Variants in DIAPH2 observed in about 807,000 individuals in gnomAD.
The protein encoded by DIAPH2 is protein diaphanous homolog 2.
Under a neutral mutation model 92.7 loss-of-function variants are expected in DIAPH2, and 35 were observed. The ratio of observed to expected loss-of-function variants is 0.38; its 90% CI spans 0.29 to 0.50. The LOEUF (loss-of-function observed/expected upper bound fraction) is 0.50. DIAPH2 is among the 20% of genes least tolerant of loss of function. DIAPH2 has a pLI of 0.94. For missense variants in DIAPH2, 701 were observed against 819.5 expected (o/e 0.86, Z 1.77); for synonymous variants, 301 against 280.4 (o/e 1.07, Z -0.73).
intron 23 of DIAPH2, among the ~76,000 whole-genome samples, chrX:97,321,484 A>G (rs2068893645): frequency 2.8e-5 from 3 of 109,083 alleles, no homozygotes; most frequent in Admixed American, 9.9e-5. Flanking sequence ...TTACATATAT[A>G]CATATGCATG....
chrX:96,803,436 T>G (rs1252810772), intron 4 of DIAPH2, among the ~76,000 whole-genome samples: 1 of 111,796 alleles, frequency 8.9e-6, no homozygotes, highest in African/African-American at 3.2e-5. Flanking sequence ...TTAACCAATA[T>G]GTTAAATCTT....
intron 23 of DIAPH2, among the ~76,000 whole-genome samples, chrX:97,267,696 G>A (rs1463144245): frequency 8.9e-6 from 1 of 111,819 alleles, no homozygotes; most frequent in Non-Finnish European, 1.9e-5. Context: ...TTCACTAAGT[G>A]GAATGGAAAA....
intron 21 of DIAPH2, among the ~76,000 whole-genome samples, chrX:97,133,118 T>A (rs1452987587): frequency 2.7e-5 from 3 of 111,911 alleles, no homozygotes; most frequent in Non-Finnish European, 5.6e-5. Flanking sequence ...TTTCCTTTAG[T>A]GATATCCACG....
At chrX:97,493,140 T>G (rs1229688901) in intron 26 of DIAPH2, among the ~76,000 whole-genome samples, 1 of 113,008 alleles carries the variant, frequency 8.8e-6, no homozygotes, top group African/African-American at 3.2e-5. Context: ...TCAGTTTCAC[T>G]GATTCCTTCT....
At chrX:97,003,090 C>G (rs763767829) in intron 17 of DIAPH2, among the ~76,000 whole-genome samples, 2 of 110,932 alleles carry the variant, frequency 1.8e-5, no homozygotes, top group African/African-American at 6.5e-5. Context: ...ATAATGATCA[C>G]CAGTTCCATT....
At chrX:96,994,648 T>C (rs1231584327) in intron 17 of DIAPH2, among the ~76,000 whole-genome samples, 1 of 111,705 alleles carries the variant, frequency 9.0e-6, no homozygotes, top group African/African-American at 3.3e-5. Flanking sequence ...AGAGGTTTAA[T>C]TGACTCACAG....
At chrX:96,961,865 C>A (rs1313441674) in intron 16 of DIAPH2, among the ~76,000 whole-genome samples, 5 of 108,840 alleles carry the variant, frequency 4.6e-5, no homozygotes, top group Non-Finnish European at 1.9e-5. Context: ...TAATTTTATC[C>A]CATTGTGGTC....
At chrX:97,557,908 TTGAC>T (rs2147867267) in intron 26 of DIAPH2, among the ~76,000 whole-genome samples, 1 of 111,871 alleles carries the variant, frequency 8.9e-6, no homozygotes, top group South Asian at 3.8e-4. Context: ...TTGAGGGGAT[TTGAC>T]AAGTTTGTTC....
chrX:97,339,300 C>T (rs1387218979), intron 23 of DIAPH2, among the ~76,000 whole-genome samples: 4 of 110,388 alleles, frequency 3.6e-5, no homozygotes, highest in Non-Finnish European at 7.6e-5. Context: ...CACTTGAGGT[C>T]AGGAAGGAGT....
At chrX:97,566,636 T>C (rs2147871771) in intron 26 of DIAPH2, among the ~76,000 whole-genome samples, 1 of 111,885 alleles carries the variant, frequency 8.9e-6, no homozygotes, top group African/African-American at 3.2e-5. Flanking sequence ...AAGAGAGAAA[T>C]GTTACATGTA....
At chrX:96,724,364 A>G (rs1245798162) in intron 1 of DIAPH2, among the ~76,000 whole-genome samples, 2 of 112,219 alleles carry the variant, frequency 1.8e-5, no homozygotes, top group Admixed American at 9.5e-5. Context: ...AAACCAAATT[A>G]CGCAGCAGTG....
chrX:96,876,585 A>G (rs1382758649), intron 4 of DIAPH2, among the ~76,000 whole-genome samples: 2 of 111,928 alleles, frequency 1.8e-5, no homozygotes, highest in African/African-American at 6.5e-5. Context: ...CAGCCATAAA[A>G]AATGATGAGT....
intron 17 of DIAPH2, among the ~76,000 whole-genome samples, chrX:97,029,042 T>A (rs1457921651): frequency 1.8e-5 from 2 of 112,194 alleles, no homozygotes; most frequent in Non-Finnish European, 3.8e-5. Context: ...TATTTGCATT[T>A]CCCCAGTGGC....
intron 22 of DIAPH2, among the ~76,000 whole-genome samples, chrX:97,189,919 T>C (rs191438517): frequency 1.2e-4 from 13 of 112,915 alleles, no homozygotes; most frequent in Admixed American, 1.1e-3. Context: ...CTACTCAAAC[T>C]CTGGGCACTC....
chrX:97,222,172 AGATGAT>A (rs56742311), intron 22 of DIAPH2, among the ~76,000 whole-genome samples: 2,296 of 104,028 alleles, frequency 0.022, 29 homozygotes, highest in Middle Eastern at 0.044. Flanking sequence ...GGGAGGGTCT[AGATGAT>A]GATGATGATG....
At chrX:97,151,503 CT>C (rs56235596) in intron 22 of DIAPH2, among the ~76,000 whole-genome samples, 2 of 101,562 alleles carry the variant, frequency 2.0e-5, no homozygotes, top group African/African-American at 3.5e-5. Flanking sequence ...ATCCAAACAC[CT>C]TTTTTTTTTA....
intron 16 of DIAPH2, among the ~76,000 whole-genome samples, chrX:96,962,396 T>TATATATATACATATATATATACAC (rs2065863348): frequency 1.6e-5 from 1 of 62,090 alleles, no homozygotes; most frequent in Non-Finnish European, 2.9e-5. Flanking sequence ...TATATACACA[T>TATATATATACATATATATATACAC]ATATATACAC....
chrX:96,688,158 A>G (rs2063781062), intron 1 of DIAPH2, among the ~76,000 whole-genome samples: 1 of 111,393 alleles, frequency 9.0e-6, no homozygotes, highest in African/African-American at 3.3e-5. Flanking sequence ...CCCACACCAC[A>G]CGGTAGTGTA....
At chrX:97,191,446 A>C (rs1026810919) in intron 22 of DIAPH2, among the ~76,000 whole-genome samples, 2 of 112,097 alleles carry the variant, frequency 1.8e-5, no homozygotes, top group African/African-American at 6.5e-5. Flanking sequence ...TCTTCCTTTT[A>C]AAATCTCTAG....
Sources: allele counts gnomAD v4.1 joint callset (sites outside exome capture counted in the v4.1 genomes callset), GRCh38; gene constraint gnomAD v4.1.1; transcripts MANE v1.5; gene names NCBI Gene and HGNC (gene_info 2026-07-23, HGNC 2026-07-21).